UGT1A9: variants seen among roughly 807,000 people sequenced by gnomAD.
UGT1A9 encodes the protein UDP-glucuronosyltransferase 1A9.
Under a neutral mutation model 45.0 loss-of-function variants are expected in UGT1A9, and 35 were observed. The observed-to-expected ratio is 0.78, with a 90% CI of 0.59 to 1.03. The LOEUF is 1.03. UGT1A9 is among the 50% of genes least tolerant of loss of function. UGT1A9 has a pLI of 0.00. For synonymous variants in UGT1A9, 278 were observed against 250.6 expected (o/e 1.11, Z -1.03); for missense variants, 687 against 666.6 (o/e 1.03, Z -0.34).
chr2:233,705,451 A>AT (rs1396968859), intron 1 of UGT1A9, among the ~76,000 whole-genome samples: 2 of 152,158 alleles, frequency 1.3e-5, no homozygotes, highest in Non-Finnish European at 2.9e-5. Flanking sequence ...AATTGCACAT[A>AT]TTTTTTAGCA....
At chr2:233,704,256 C>CTT (rs59925871) in intron 1 of UGT1A9, among the ~76,000 whole-genome samples, 8,556 of 123,528 alleles carry the variant, frequency 0.069, 479 homozygotes, top group African/African-American at 0.11. Context: ...GCCTTTATTG[C>CTT]TTTTTTTTTT....
At chr2:233,737,053 G>A (rs2078838819) in intron 1 of UGT1A9, among the ~76,000 whole-genome samples, 1 of 152,218 alleles carries the variant, frequency 6.6e-6, no homozygotes, top group Non-Finnish European at 1.5e-5. Context: ...CATACTAGGA[G>A]AACGAGTGCT....
At chr2:233,696,527 A>C (rs1396339864) in intron 1 of UGT1A9, among the ~76,000 whole-genome samples, 5 of 152,160 alleles carry the variant, frequency 3.3e-5, no homozygotes, top group Non-Finnish European at 7.3e-5. Flanking sequence ...TTTTGGGTGG[A>C]ATGTTTAAAT....
At chr2:233,736,657 T>G (rs571352922) in intron 1 of UGT1A9, among the ~76,000 whole-genome samples, 1 of 152,376 alleles carries the variant, frequency 6.6e-6, no homozygotes, top group African/African-American at 2.4e-5. Context: ...TGTGGTTTTA[T>G]GTACCTTAGG....
intron 1 of UGT1A9, among the ~76,000 whole-genome samples, chr2:233,737,806 C>A (rs575024235): frequency 6.6e-6 from 1 of 152,216 alleles, no homozygotes; most frequent in Non-Finnish European, 1.5e-5. Flanking sequence ...TCACTATCAT[C>A]TCAGTGGAGC....
rs28505045 is a variant in UGT1A9, at chr2:233,707,706, C to T, written c.855+34917C>T. On this transcript the variant is annotated intron_variant, in intron 1 of 4. Transcript: ENST00000354728. ...GGGCTTTGGGTTGTATCTAGCTTTT[C>T]ACTACTGTGAACAATGTTACAACGA... Among the ~76,000 whole-genome samples, 733 of 152,270 alleles carry T rather than the reference C, an allele frequency of 4.8e-3. 9 individuals are homozygous for T. The highest frequency in any genetic ancestry group is 0.017 in the African/African-American group (690 of 41,542).
chr2:233,729,695 C>A, intron 1 of UGT1A9: 1 of 1,613,928 alleles, frequency 6.2e-7, no homozygotes, highest in South Asian at 1.1e-5. Flanking sequence ...TGTCCAAACC[C>A]TTCCTCCTAT....
chr2:233,761,292 A>G, intron 1 of UGT1A9: 4 of 1,528,102 alleles, frequency 2.6e-6, no homozygotes, highest in Middle Eastern at 1.9e-4. Flanking sequence ...TTTGACTCCT[A>G]GGTTTGAGTC....
At chr2:233,728,554 T>C (rs2077726263) in intron 1 of UGT1A9, among the ~76,000 whole-genome samples, 1 of 152,200 alleles carries the variant, frequency 6.6e-6, no homozygotes, top group Non-Finnish European at 1.5e-5. Flanking sequence ...CTCTGATCCT[T>C]ACAAGAAATA....
chr2:233,699,722 A>G (rs2075519528), intron 1 of UGT1A9, among the ~76,000 whole-genome samples: 1 of 152,204 alleles, frequency 6.6e-6, no homozygotes, highest in African/African-American at 2.4e-5. Flanking sequence ...AGCATTTTTT[A>G]CGGAGCGTTT....
At chr2:233,763,451 A>G (rs1353654111) in intron 1 of UGT1A9, among the ~76,000 whole-genome samples, 1 of 152,150 alleles carries the variant, frequency 6.6e-6, no homozygotes, top group African/African-American at 2.4e-5. Flanking sequence ...CATTTTGCCT[A>G]TTTGAATCTA....
chr2:233,749,918 CA>C (rs1168394820), intron 1 of UGT1A9, among the ~76,000 whole-genome samples: 1 of 151,918 alleles, frequency 6.6e-6, no homozygotes. Flanking sequence ...AACTGTGAGT[CA>C]ATTAAAGCTC....
intron 1 of UGT1A9, among the ~76,000 whole-genome samples, chr2:233,725,209 CAGAGGCAGAGGA>C (rs2077393142): frequency 1.2e-5 from 1 of 85,868 alleles, no homozygotes; most frequent in East Asian, 2.5e-4. Flanking sequence ...GAGGCAGAGG[CAGAGGCAGAGGA>C]GGCAGAGGCA....
chr2:233,681,409 C>G (rs1269380045), intron 1 of UGT1A9, among the ~76,000 whole-genome samples: 2 of 151,624 alleles, frequency 1.3e-5, no homozygotes, highest in African/African-American at 4.8e-5. Context: ...CAGCGTGCGC[C>G]TGTAATCCCA....
In UGT1A9 at chr2:233,729,398, G is replaced by A. The variant is rs540607993; in HGVS notation, c.856-37636G>A. On this transcript the variant is annotated intron_variant, in intron 1 of 4. Coordinates refer to ENST00000354728, the MANE Select transcript of UGT1A9 (RefSeq NM_021027.3). The stretch of plus-strand genomic sequence containing the variant: ...TCGTGGACCCAGGATGAATTTGATC[G>A]CCATGTGCTGGGCCACACTCAACTG... 219 of 1,613,654 alleles carry A rather than the reference G, an allele frequency of 1.4e-4. 1 individual carries two copies. The South Asian group carries it at 1.7e-3, about 12-fold the overall frequency.
chr2:233,744,126 G>T (rs1692701514), intron 1 of UGT1A9: 3 of 357,170 alleles, frequency 8.4e-6, no homozygotes, highest in Admixed American at 7.7e-5. Context: ...GTGAGGCTCT[G>T]TGAGGCCCTG....
chr2:233,721,842 C>T (rs2076975101), intron 1 of UGT1A9: 2 of 515,392 alleles, frequency 3.9e-6, no homozygotes, highest in African/African-American at 1.9e-5. Flanking sequence ...GACCTTGTGT[C>T]CAGCCCCACT....
At chr2:233,693,226 A>C in intron 1 of UGT1A9, 1 of 1,614,228 alleles carries the variant, frequency 6.2e-7, no homozygotes, top group Non-Finnish European at 8.5e-7. Flanking sequence ...AATACTACAC[A>C]AGAAAAATCT....
rs1338074257 is a variant in UGT1A9 at position 233,772,677 on chromosome 2, A to G, written c.*118A>G. On this transcript the variant is annotated 3_prime_UTR_variant, in exon 5 of 5. Transcript: ENST00000354728. ...ATTAAGGAAATACTTTGCATAAATTAATCAGCCCCAGAGTGCTTTAAAAAA... is the reference window on the plus strand; with the variant it reads ...ATTAAGGAAATACTTTGCATAAATTGATCAGCCCCAGAGTGCTTTAAAAAA... 14 of 1,531,978 alleles carry G rather than the reference A, an allele frequency of 9.1e-6. No homozygotes were observed. The highest frequency in any genetic ancestry group is 1.1e-5 in the Non-Finnish European group (13 of 1,142,190). 94.9% of individuals were successfully genotyped at this position (1,531,978 alleles called of 1,614,324 possible).
Sources: allele counts gnomAD v4.1 joint callset (sites outside exome capture counted in the v4.1 genomes callset), GRCh38; gene constraint gnomAD v4.1.1; transcripts MANE v1.5; gene names NCBI Gene and HGNC (gene_info 2026-07-23, HGNC 2026-07-21).